YIPF1: variants seen among roughly 807,000 people sequenced by gnomAD.
YIPF1 encodes the protein protein YIPF1.
Under a neutral mutation model 37.0 loss-of-function variants are expected in YIPF1, and 22 were observed. The ratio of observed to expected loss-of-function variants is 0.59; its 90% confidence interval spans 0.42 to 0.85. The LOEUF (loss-of-function observed/expected upper bound fraction) is 0.85. Ranked by LOEUF, YIPF1 falls within the 40% of genes least tolerant of loss-of-function variation. YIPF1 has a pLI of 0.00. For synonymous variants in YIPF1, 128 were observed against 131.9 expected, an observed-to-expected ratio of 0.97 and a Z score of 0.21; for missense variants, 355 against 373.1, an observed-to-expected ratio of 0.95 and a Z score of 0.40.
At chr1:53,885,844 A>T (rs1008971155) in intron 3 of YIPF1, among the ~76,000 whole-genome samples, 7 of 151,502 alleles carry the variant, frequency 4.6e-5, no homozygotes, top group Non-Finnish European at 1.0e-4. Context: ...AAAAAGAGAG[A>T]AAAAGAGTAT....
rs1293334610 is a variant in YIPF1 at position 53,866,887 on chromosome 1, C to A, written c.519G>T (p.Trp173Cys). Residue 173 changes from tryptophan to cysteine, a missense_variant, in exon 8 of 11, where the codon TGG (tryptophan) becomes TGT (cysteine). Trp to Cys is a radical substitution (Grantham distance 215). Transcript: ENST00000072644. ...AACCCCAGAGTGCAAGAGGAACCAGCCAGGCATAGGCATAGATGATGGTAG... is the reference window on the plus strand; with the variant it reads ...AACCCCAGAGTGCAAGAGGAACCAGACAGGCATAGGCATAGATGATGGTAG... Reference protein sequence around the residue: ...IAATIIYAYAWLVPLALWGFL... With the variant: ...IAATIIYAYACLVPLALWGFL... 3 of 1,613,722 alleles carry A rather than the reference C, an allele frequency of 1.9e-6. No individual in the cohort carries two copies. The highest frequency in any genetic ancestry group is 2.7e-5 in the African/African-American group (2 of 74,898).
chr1:53,869,031 G>C (rs1206047222), intron 7 of YIPF1, among the ~76,000 whole-genome samples: 1 of 152,154 alleles, frequency 6.6e-6, no homozygotes, highest in Non-Finnish European at 1.5e-5. Flanking sequence ...TTATTTGATA[G>C]AGTTGGGATT....
intron 6 of YIPF1, among the ~76,000 whole-genome samples, chr1:53,873,008 T>C (rs1029695019): frequency 3.3e-5 from 5 of 152,224 alleles, no homozygotes; most frequent in African/African-American, 1.2e-4. Flanking sequence ...CCATGTGTTA[T>C]AGATGAGCTG....
rs1462583285 is a variant in YIPF1 at position 53,867,656 on chromosome 1, G to A, written c.482-732C>T. 3.3e-5 allele frequency among the ~76,000 whole-genome samples: 5 copies of A among 152,028 alleles called. No homozygotes were observed. The East Asian group carries it at 9.6e-4, about 29-fold the overall frequency. On this transcript the variant is annotated intron_variant, in intron 7 of 10. Transcript: ENST00000072644. Reference sequence around the variant, plus strand: ...TGGGATTACAGGCGTGAGCCACCACGCCCGGCTGACACTGACTTCTTTAGC... The same window carrying A: ...TGGGATTACAGGCGTGAGCCACCACACCCGGCTGACACTGACTTCTTTAGC...
At chr1:53,858,297 C>T (rs1485823937) in intron 10 of YIPF1, among the ~76,000 whole-genome samples, 1 of 152,126 alleles carries the variant, frequency 6.6e-6, no homozygotes, top group Non-Finnish European at 1.5e-5. Context: ...AGCATTTGAC[C>T]AGTCATATCT....
At chr1:53,867,659 C>T (rs560376716) in intron 7 of YIPF1, among the ~76,000 whole-genome samples, 14 of 152,234 alleles carry the variant, frequency 9.2e-5, no homozygotes, top group African/African-American at 3.1e-4. Context: ...CCACCACGCC[C>T]GGCTGACACT....
At chr1:53,881,347 A>T (rs1026955187) in intron 4 of YIPF1, among the ~76,000 whole-genome samples, 1 of 152,166 alleles carries the variant, frequency 6.6e-6, no homozygotes, top group African/African-American at 2.4e-5. Flanking sequence ...AGCAATTGCA[A>T]CAAAAGCAAA....
chr1:53,870,160 C>CTTTTTTTTTTTT (rs753978320), intron 7 of YIPF1, among the ~76,000 whole-genome samples: 4 of 91,214 alleles, frequency 4.4e-5, no homozygotes, highest in African/African-American at 1.8e-4. Context: ...CACCGGGTCT[C>CTTTTTTTTTTTT]TTTTTTTTTT....
chr1:53,881,673 CAGTCAGAATGGTGATTATTAAAA>C (rs1172912532), intron 4 of YIPF1, among the ~76,000 whole-genome samples: 3 of 152,224 alleles, frequency 2.0e-5, no homozygotes, highest in Middle Eastern at 3.4e-3. Flanking sequence ...CATATCATGC[CAGTCAGAATGGTGATTATTAAAA>C]AGTCAAGAAA....
At chr1:53,864,209 G>A (rs1169176966) in intron 9 of YIPF1, among the ~76,000 whole-genome samples, 3 of 152,146 alleles carry the variant, frequency 2.0e-5, no homozygotes, top group East Asian at 3.8e-4. Flanking sequence ...GAAGAGAGAC[G>A]GGAGATGCCA....
At chr1:53,861,469 A>C (rs1278566606) in intron 9 of YIPF1, among the ~76,000 whole-genome samples, 1 of 152,178 alleles carries the variant, frequency 6.6e-6, no homozygotes, top group Non-Finnish European at 1.5e-5. Context: ...TCACACTGTG[A>C]CTTTGGACAA....
intron 7 of YIPF1, among the ~76,000 whole-genome samples, chr1:53,867,659 C>A (rs560376716): frequency 3.3e-5 from 5 of 152,234 alleles, no homozygotes; most frequent in African/African-American, 1.2e-4. Flanking sequence ...CCACCACGCC[C>A]GGCTGACACT....
chr1:53,870,953 C>T lies in YIPF1; in HGVS notation c.481+419G>A, dbSNP rs957252389. Among the ~76,000 whole-genome samples, 7 of 139,870 alleles carry T rather than the reference C, an allele frequency of 5.0e-5. No homozygotes were observed. In the Admixed American group the frequency reaches 5.5e-4, roughly 11 times the overall value. 91.8% of individuals were successfully genotyped at this position (139,870 alleles called of 152,430 possible). A position where few individuals can be genotyped will look rare whatever the true frequency, so the allele number is the denominator to read the frequency against. ...CTTGAGCCCAGGGAGGTGGAGGCTG[C>T]AGTGAGCTGTGATCGTACCACTGCA... is the stretch of plus-strand genomic sequence containing the variant. On this transcript the variant is annotated intron_variant, in intron 7 of 10. Coordinates refer to ENST00000072644, the MANE Select transcript of YIPF1 (RefSeq NM_018982.5).
chr1:53,874,759 T>G (rs1041374589), intron 6 of YIPF1, among the ~76,000 whole-genome samples: 1 of 152,008 alleles, frequency 6.6e-6, no homozygotes, highest in Non-Finnish European at 1.5e-5. Context: ...AGAGTGAGAC[T>G]CTGTCTCAAA....
Position 53,884,234 on chromosome 1 carries a change from C to CA in YIPF1, c.32-959dup, listed in dbSNP as rs3058236. Among the ~76,000 whole-genome samples, 734 of 114,168 alleles carry CA rather than the reference C, an allele frequency of 6.4e-3. 9 individuals carry two copies. The highest frequency in any genetic ancestry group is 8.6e-3 in the Non-Finnish European group (490 of 56,792). The allele number at this position is 114,168 out of a possible 152,430, so 74.9% of individuals were successfully genotyped here. A position where few individuals can be genotyped will look rare whatever the true frequency, so the allele number is the denominator to read the frequency against. ...TGGGCAAGAGAGTAAGACTTTGTCT[C>CA]AAAAAAAAAAAAAAAAACCCAAAAA... On this transcript the variant is annotated intron_variant, in intron 3 of 10. Transcript: ENST00000072644.
At position 53,864,726 on chromosome 1, in the gene YIPF1, C is replaced by G. The variant is rs1038880056; in HGVS notation, c.831+1474G>C. On this transcript the variant is annotated intron_variant, in intron 9 of 10. Coordinates refer to ENST00000072644, the MANE Select transcript of YIPF1 (RefSeq NM_018982.5). ...TTGGACTCTGATTTTTTTTTCAAAA[C>G]CTGCAACAGGGCTTGTTAAGGCCGT... is the stretch of plus-strand genomic sequence containing the variant. Among the ~76,000 whole-genome samples the G allele has an allele frequency of 4.0e-5, 6 of 151,792 alleles. No homozygotes were observed. In the East Asian group the frequency reaches 1.2e-3, roughly 29 times the overall value.
chr1:53,871,324 A>C (rs967715567), intron 7 of YIPF1, 48 bp downstream of exon 7: 1 of 1,564,976 alleles, frequency 6.4e-7, no homozygotes. Context: ...AAAAGAACTC[A>C]AAGCTAGAAA....
In YIPF1 at chr1:53,883,183, C is replaced by T. The variant is rs767979853; in HGVS notation, c.125G>A (p.Gly42Glu). The T allele has an allele frequency of 3.1e-6, 5 of 1,602,164 alleles. No individual in the cohort carries two copies. The change falls in exon 4 of 11, where the codon GGA becomes GAA. Residue 42 changes from glycine to glutamate, a missense_variant. Physicochemically the swap from Gly to Glu is moderately conservative, Grantham distance 98. Coordinates refer to ENST00000072644, the MANE Select transcript of YIPF1 (RefSeq NM_018982.5). ...DPGETPKHQP[G>E]SPRGSGREED... ...TTCTCTTCCTGAGCCTCTTGGGGAT[C>T]CTGGCTGATGTTTTGGGGTTTCACC...
chr1:53,864,768 GCA>G (rs1459684162), intron 9 of YIPF1, among the ~76,000 whole-genome samples: 1 of 152,000 alleles, frequency 6.6e-6, no homozygotes, highest in Non-Finnish European at 1.5e-5. Flanking sequence ...CAAATTTTGT[GCA>G]CAGTGTACAG....
Sources: allele counts gnomAD v4.1 joint callset (sites outside exome capture counted in the v4.1 genomes callset), GRCh38; gene constraint gnomAD v4.1.1; transcripts MANE v1.5; gene names NCBI Gene and HGNC (gene_info 2026-07-23, HGNC 2026-07-21).